UNC13C: variants seen among roughly 807,000 people sequenced by gnomAD.
The protein encoded by UNC13C is protein unc-13 homolog C.
A neutral mutation model predicts 245.4 loss-of-function variants in UNC13C; 174 were observed. That is an observed-to-expected ratio of 0.71 (90% confidence interval 0.63 to 0.80). The LOEUF (loss-of-function observed/expected upper bound fraction) is 0.80. Among genes scored for constraint, UNC13C ranks in the 30% least tolerant of loss-of-function variants. The probability of loss-of-function intolerance (pLI) is 0.00; values close to 1 mark genes in which losing one functional copy is unlikely to be tolerated. For missense variants in UNC13C, 2,829 were observed against 2,602.9 expected (o/e 1.09, Z -1.89); for synonymous variants, 992 against 895.1 (o/e 1.11, Z -1.93).
At chr15:54,557,864 T>C (rs1566908753) in intron 29 of UNC13C, among the ~76,000 whole-genome samples, 1 of 152,052 alleles carries the variant, frequency 6.6e-6, no homozygotes, top group Non-Finnish European at 1.5e-5. Context: ...GGGTGTTAGA[T>C]AGGTCAAGAA....
intron 31 of UNC13C, among the ~76,000 whole-genome samples, chr15:54,622,809 C>T (rs1303094669): frequency 6.6e-6 from 1 of 152,018 alleles, no homozygotes; most frequent in African/African-American, 2.4e-5. Context: ...CAATGAGTGG[C>T]TCAATTTGTT....
At chr15:54,613,147 A>C (rs1900213911) in intron 30 of UNC13C, among the ~76,000 whole-genome samples, 1 of 151,918 alleles carries the variant, frequency 6.6e-6, no homozygotes, top group Non-Finnish European at 1.5e-5. Context: ...ACTCACTACA[A>C]AATCAATAGC....
At chr15:54,404,494 G>C (rs2040253969) in intron 18 of UNC13C, among the ~76,000 whole-genome samples, 1 of 152,094 alleles carries the variant, frequency 6.6e-6, no homozygotes, top group Non-Finnish European at 1.5e-5. Flanking sequence ...GAATGGATCA[G>C]TTATTTCATT....
At chr15:53,967,450 G>A in the UNC13C span, among the ~76,000 whole-genome samples, 2 of 151,900 alleles carry the variant, frequency 1.3e-5, no homozygotes, top group South Asian at 2.1e-4. Flanking sequence ...GGCTTTACCT[G>A]TTCTCAAGTC....
At chr15:54,421,357 A>C (rs371777607) in intron 19 of UNC13C, among the ~76,000 whole-genome samples, 1 of 152,064 alleles carries the variant, frequency 6.6e-6, no homozygotes, top group African/African-American at 2.4e-5. Flanking sequence ...AAAACTCTGC[A>C]TATATTCTCC....
chr15:54,074,668 T>A (rs1898500506), intron 2 of UNC13C, among the ~76,000 whole-genome samples: 1 of 152,202 alleles, frequency 6.6e-6, no homozygotes, highest in African/African-American at 2.4e-5. Context: ...ACTCATGGTT[T>A]GGCTGTTTGT....
chr15:53,891,548 T>C, the UNC13C span, among the ~76,000 whole-genome samples: 1 of 152,182 alleles, frequency 6.6e-6, no homozygotes, highest in African/African-American at 2.4e-5. Flanking sequence ...TGCTCCTGTA[T>C]TGGGTACATA....
chr15:54,616,479 A>T (rs1900440039), intron 30 of UNC13C, among the ~76,000 whole-genome samples: 4 of 152,040 alleles, frequency 2.6e-5, no homozygotes, highest in Admixed American at 2.6e-4. Flanking sequence ...GTTAGAAAAG[A>T]CTCAAGTTAA....
At chr15:54,240,197 G>A (rs983788645) in intron 7 of UNC13C, among the ~76,000 whole-genome samples, 4 of 151,984 alleles carry the variant, frequency 2.6e-5, no homozygotes. Flanking sequence ...TGGATGAACA[G>A]AATCCATCAG....
At chr15:54,191,370 G>A (rs1001329380) in intron 4 of UNC13C, among the ~76,000 whole-genome samples, 1 of 152,100 alleles carries the variant, frequency 6.6e-6, no homozygotes, top group Non-Finnish European at 1.5e-5. Flanking sequence ...TCCCTGTAAA[G>A]GACATGAACT....
chr15:54,154,103 G>A (rs1240149884), intron 4 of UNC13C, among the ~76,000 whole-genome samples: 1 of 151,716 alleles, frequency 6.6e-6, no homozygotes, highest in East Asian at 1.9e-4. Flanking sequence ...TATTGTTGTA[G>A]TCACTCAACT....
chr15:54,125,717 T>C (rs2030993667), intron 2 of UNC13C, among the ~76,000 whole-genome samples: 1 of 152,236 alleles, frequency 6.6e-6, no homozygotes, highest in Non-Finnish European at 1.5e-5. Context: ...TTATCTATTT[T>C]GCAGCTTTTT....
intron 7 of UNC13C, among the ~76,000 whole-genome samples, chr15:54,239,365 G>T (rs910747852): frequency 4.6e-5 from 7 of 152,148 alleles, no homozygotes; most frequent in African/African-American, 1.7e-4. Flanking sequence ...GCTACAACAA[G>T]TTGATACATT....
chr15:54,072,385 T>A (rs1264069126), intron 2 of UNC13C, among the ~76,000 whole-genome samples: 1 of 152,206 alleles, frequency 6.6e-6, no homozygotes, highest in Non-Finnish European at 1.5e-5. Context: ...CCAGGGCAAC[T>A]GAATTTTCCA....
intron 2 of UNC13C, among the ~76,000 whole-genome samples, chr15:54,022,302 TG>T (rs1485543984): frequency 5.9e-5 from 9 of 152,116 alleles, no homozygotes; most frequent in African/African-American, 2.2e-4. Flanking sequence ...TATCACACTG[TG>T]GTTTTTTGGC....
rs531849532 is a variant in UNC13C at position 54,026,406 on chromosome 15, C to T, written c.2983+10520C>T. On this transcript the variant is annotated intron_variant, in intron 2 of 32. Transcript: ENST00000260323. ...TAACATGCTCTTAGCTACTTGTGCA[C>T]GTTTATGCTTCTTTCTTCTAGAAGT... 7.2e-5 allele frequency among the ~76,000 whole-genome samples: 11 copies of T among 152,268 alleles called. No individual in the cohort carries two copies. In the South Asian group the frequency reaches 1.9e-3, roughly 26 times the overall value.
chr15:53,875,319 T>C, the UNC13C span, among the ~76,000 whole-genome samples: 4 of 152,100 alleles, frequency 2.6e-5, no homozygotes, highest in Admixed American at 1.3e-4. Context: ...CTCAGCAGGT[T>C]GATGGCAGAC....
intron 2 of UNC13C, among the ~76,000 whole-genome samples, chr15:54,113,653 C>T (rs1260796169): frequency 6.6e-6 from 1 of 151,966 alleles, no homozygotes; most frequent in South Asian, 2.1e-4. Flanking sequence ...TGTGAAACCC[C>T]GTCTCTACTA....
the UNC13C span, among the ~76,000 whole-genome samples, chr15:53,898,878 A>G: frequency 6.6e-6 from 1 of 152,200 alleles, no homozygotes; most frequent in Admixed American, 6.5e-5. Context: ...TATGCTGTAC[A>G]TTAGAGTCCC....
Sources: gnomAD v4.1 joint callset for allele counts (sites outside exome capture counted in the v4.1 genomes callset) on GRCh38, gnomAD v4.1.1 for gene constraint, MANE v1.5 for transcripts, NCBI Gene and HGNC (gene_info 2026-07-23, HGNC 2026-07-21) for gene names.